The following CACNA2D4 variants were observed in gnomAD, a reference collection of about 807,000 sequenced individuals.
CACNA2D4 encodes the protein calcium voltage-gated channel auxiliary subunit alpha2delta 4, also known as voltage-dependent calcium channel subunit alpha-2/delta-4.
A neutral mutation model predicts 163.8 loss-of-function variants in CACNA2D4; 157 were observed. The observed-to-expected ratio is 0.96, with a 90% CI of 0.84 to 1.09. CACNA2D4 has a LOEUF of 1.09. Ranked by LOEUF, CACNA2D4 falls within the 50% of genes least tolerant of loss-of-function variation. The pLI is 0.00. For missense variants in CACNA2D4, 1,410 were observed against 1,479.9 expected, an observed-to-expected ratio of 0.95 and a Z score of 0.78; for synonymous variants, 598 against 586.9, an observed-to-expected ratio of 1.02 and a Z score of -0.27.
intron 23 of CACNA2D4, 132 bp from the exon 24 acceptor site, chr12:1,846,821 G>C (rs942782618): frequency 1.7e-5 from 13 of 757,910 alleles, no homozygotes; most frequent in South Asian, 7.7e-5. Context: ...AGGAAGGCTG[G>C]GTTCCTGGGA....
chr12:1,834,903 C>A lies in CACNA2D4; in HGVS notation c.2551+5836G>T. 1 of 1,188,658 alleles carries A rather than the reference C, an allele frequency of 8.4e-7. No homozygotes were observed. Among genetic ancestry groups the A allele is most frequent in the Non-Finnish European group, 1.1e-6 (1 of 877,944 alleles). 73.6% of individuals were successfully genotyped at this position (1,188,658 alleles called of 1,614,324 possible). A position where few individuals can be genotyped will look rare whatever the true frequency, so the allele number is the denominator to read the frequency against. On this transcript the variant is annotated intron_variant, in intron 26 of 37. Transcript: ENST00000382722. This position sits in a 1 kb window ranked among gnomAD's most constrained non-coding sequence, Gnocchi z 7.6. ...CACTTTCGAGGCTCCCTGAAAGCCA[C>A]CGTGCTGGGGGCTCCTGCTGATGCT...
At chr12:1,796,562 G>A (rs962343878) in intron 35 of CACNA2D4, among the ~76,000 whole-genome samples, 12 of 152,238 alleles carry the variant, frequency 7.9e-5, no homozygotes, top group African/African-American at 2.9e-4. Context: ...CTCGCACCGA[G>A]CCTTTGCGAC....
At chr12:1,800,151 C>T in intron 32 of CACNA2D4, 99 bp from the exon 33 acceptor site, 2 of 1,228,596 alleles carry the variant, frequency 1.6e-6, no homozygotes, top group Non-Finnish European at 2.3e-6. Context: ...CCCATCCCCT[C>T]TCCTCCAGGA....
chr12:1,846,820 G>C, intron 23 of CACNA2D4, 131 bp from the exon 24 acceptor site: 1 of 758,252 alleles, frequency 1.3e-6, no homozygotes, highest in Non-Finnish European at 2.2e-6. Flanking sequence ...CAGGAAGGCT[G>C]GGTTCCTGGG....
rs529118967 is a variant in CACNA2D4, at chr12:1,869,490, G to T, written c.1878+5114C>A. Among the ~76,000 whole-genome samples the T allele has an allele frequency of 6.6e-6, 1 of 152,252 alleles. No individual in the cohort carries two copies. The highest frequency in any genetic ancestry group is 1.5e-5 in the Non-Finnish European group (1 of 68,044). On this transcript the variant is annotated intron_variant, in intron 18 of 37. Coordinates refer to ENST00000382722, the MANE Select transcript of CACNA2D4 (RefSeq NM_172364.5). This position sits in a 1 kb window ranked among gnomAD's most constrained non-coding sequence, Gnocchi z 4.7. ...CCGTCTGCGGGTCATCTGCCATCCT[G>T]ATGGGTAGAGTTGGTGAGTGACAGA...
Position 1,907,928 on chromosome 12 carries a change from G to A in CACNA2D4, c.596C>T (p.Pro199Leu), listed in dbSNP as rs1289390775. 1.9e-6 allele frequency: 3 copies of A among 1,614,054 alleles called. No homozygotes were observed. Among genetic ancestry groups the A allele is most frequent in the Non-Finnish European group, 2.5e-6 (3 of 1,179,884 alleles). ...CACGCTGCTGATGGAGGTGTTCACC[G>A]GCAGGTTGCTGAAGTGAGCATTGGA... Reference protein sequence around the residue: ...LESNAHFSNLPVNTSISSVQL... With the variant: ...LESNAHFSNLLVNTSISSVQL... Residue 199 changes from proline to leucine, a missense_variant, in exon 5 of 38, where the codon CCG becomes CTG. Coordinates refer to ENST00000382722, the MANE Select transcript of CACNA2D4 (RefSeq NM_172364.5).
At chr12:1,814,843 C>A (rs969569622) in intron 26 of CACNA2D4, among the ~76,000 whole-genome samples, 1 of 152,192 alleles carries the variant, frequency 6.6e-6, no homozygotes, top group Admixed American at 6.5e-5. Context: ...TCAAATCACA[C>A]CACTCCCTGG....
chr12:1,883,233 G>A lies in CACNA2D4; in HGVS notation c.1352-233C>T, dbSNP rs1399490063. The stretch of plus-strand genomic sequence containing the variant: ...CACCCTGGAAGATCTCTGAGGGGCT[G>A]TCCCACCCAGAGCTCCGGAAGGAGC... On this transcript the variant is annotated intron_variant, in intron 12 of 37. Coordinates refer to ENST00000382722, the MANE Select transcript of CACNA2D4 (RefSeq NM_172364.5). This position sits in a 1 kb window ranked among gnomAD's most constrained non-coding sequence, Gnocchi z 4.5. Among the ~76,000 whole-genome samples, 4 of 152,210 alleles carry A rather than the reference G, an allele frequency of 2.6e-5. No individual in the cohort carries two copies. The highest frequency in any genetic ancestry group is 4.8e-5 in the African/African-American group (2 of 41,464).
chr12:1,890,930 A>T (rs1449434739), intron 6 of CACNA2D4, among the ~76,000 whole-genome samples: 2 of 152,084 alleles, frequency 1.3e-5, no homozygotes, highest in African/African-American at 4.8e-5. Context: ...TGTCCTGGGG[A>T]CTGAACTGCC....
intron 6 of CACNA2D4, among the ~76,000 whole-genome samples, chr12:1,895,697 G>A (rs2154450296): frequency 6.6e-6 from 1 of 152,252 alleles, no homozygotes; most frequent in African/African-American, 2.4e-5. Flanking sequence ...GCAATGGCGT[G>A]CAAGACTCAC....
In CACNA2D4 at chr12:1,914,343, A is replaced by G. The variant is rs149650584; in HGVS notation, c.309+511T>C. 3.4e-3 allele frequency among the ~76,000 whole-genome samples: 518 copies of G among 152,342 alleles called. 1 individual carries two copies. Among genetic ancestry groups the G allele is most frequent in the African/African-American group, 0.012 (503 of 41,570 alleles). On this transcript the variant is annotated intron_variant, in intron 2 of 37. Transcript: ENST00000382722. ...AACCTGGTAAGAAGACCAGCCAGCC[A>G]TAAATCGGCACAGAAAGCAATGCAT... is the stretch of plus-strand genomic sequence containing the variant.
At chr12:1,800,493 C>A in intron 31 of CACNA2D4, 55 bp from the exon 32 acceptor site, 3 of 1,549,816 alleles carry the variant, frequency 1.9e-6, no homozygotes, top group Admixed American at 1.7e-5. Context: ...TGAGGGTGCC[C>A]CCCCCCCACC....
chr12:1,906,122 T>G (rs991861280), intron 6 of CACNA2D4, among the ~76,000 whole-genome samples: 3 of 152,112 alleles, frequency 2.0e-5, no homozygotes, highest in African/African-American at 7.2e-5. Flanking sequence ...CAACTGTATA[T>G]CCACATGAAA....
intron 19 of CACNA2D4, among the ~76,000 whole-genome samples, chr12:1,859,705 A>G (rs560711882): frequency 6.6e-6 from 1 of 152,382 alleles, no homozygotes; most frequent in South Asian, 2.1e-4. Flanking sequence ...AAGACCTGTT[A>G]ACAGAGTTGT....
chr12:1,834,578 A>T lies in CACNA2D4; in HGVS notation c.2551+6161T>A. ...GGTCGTGTGCGGCGTCGTCTGCATC[A>T]TGATGGTGGTGGCCGCTGCCTATGG... On this transcript the variant is annotated intron_variant, in intron 26 of 37. Coordinates refer to ENST00000382722, the MANE Select transcript of CACNA2D4 (RefSeq NM_172364.5). This position sits in a 1 kb window ranked among gnomAD's most constrained non-coding sequence, Gnocchi z 7.6. The T allele has an allele frequency of 6.2e-7, 1 of 1,601,130 alleles. No homozygotes were observed. Among genetic ancestry groups the T allele is most frequent in the Non-Finnish European group, 8.5e-7 (1 of 1,179,902 alleles).
In CACNA2D4 at chr12:1,860,194, A is replaced by G; in HGVS notation, c.1891T>C (p.Phe631Leu). The G allele has an allele frequency of 6.2e-7, 1 of 1,613,714 alleles. No homozygotes were observed. The highest frequency in any genetic ancestry group is 8.5e-7 in the Non-Finnish European group (1 of 1,179,722). ...GTGAAGAAGTAGTCATTGGTCAGGA[A>G]AAGAACTCGCTTCTGAAAGAGTAGA... ...VPMDKGKRVLFLTNDYFFTDI... is the reference protein window; with the variant it reads ...VPMDKGKRVLLLTNDYFFTDI... Residue 631 changes from phenylalanine to leucine, a missense_variant, in exon 19 of 38, where the codon TTC (phenylalanine) becomes CTC (leucine). Phe to Leu is a conservative substitution (Grantham distance 22, BLOSUM62 0). Coordinates refer to ENST00000382722, the MANE Select transcript of CACNA2D4 (RefSeq NM_172364.5).
chr12:1,831,534 A>G (rs1331030454), intron 26 of CACNA2D4: 1 of 1,607,014 alleles, frequency 6.2e-7, no homozygotes, highest in South Asian at 1.1e-5. Flanking sequence ...AGGTGAGCGC[A>G]GCCGGCCCTG....
chr12:1,833,062 G>A lies in CACNA2D4; in HGVS notation c.2551+7677C>T, dbSNP rs1036167153. Among the ~76,000 whole-genome samples the A allele has an allele frequency of 3.3e-5, 5 of 152,132 alleles. No homozygotes were observed. Among genetic ancestry groups the A allele is most frequent in the Admixed American group, 1.3e-4 (2 of 15,282 alleles). ...CTTCAGACCCTCCTCTCCTGTGGTC[G>A]CCGGGAACTGAATTCCCAGCACAAA... On this transcript the variant is annotated intron_variant, in intron 26 of 37. Coordinates refer to ENST00000382722, the MANE Select transcript of CACNA2D4 (RefSeq NM_172364.5). This position sits in a 1 kb window ranked among gnomAD's most constrained non-coding sequence, Gnocchi z 4.2.
intron 18 of CACNA2D4, among the ~76,000 whole-genome samples, chr12:1,873,215 G>C (rs1022420460): frequency 6.6e-6 from 1 of 152,128 alleles, no homozygotes; most frequent in African/African-American, 2.4e-5. Context: ...ACCCCTAAGT[G>C]CCATGGAACG....
Sources: allele counts gnomAD v4.1 joint callset (sites outside exome capture counted in the v4.1 genomes callset), GRCh38; gene constraint gnomAD v4.1.1; non-coding constraint Gnocchi (gnomAD v3.1); transcripts MANE v1.5; gene names NCBI Gene and HGNC (gene_info 2026-07-23, HGNC 2026-07-21).